The following CNST variants were observed in gnomAD, a reference collection of about 807,000 sequenced individuals.
CNST encodes consortin.
A neutral mutation model predicts 72.4 loss-of-function variants in CNST; 39 were observed. The ratio of observed to expected loss-of-function variants is 0.54; its 90% CI spans 0.42 to 0.70. The LOEUF (loss-of-function observed/expected upper bound fraction) is 0.70. Ranked by LOEUF, CNST falls within the 30% of genes least tolerant of loss-of-function variation. CNST has a pLI of 0.00. For synonymous variants in CNST, 332 were observed against 320.1 expected, an observed-to-expected ratio of 1.04 and a Z score of -0.40; for missense variants, 871 against 868.5, an observed-to-expected ratio of 1.00 and a Z score of -0.04.
intron 6 of CNST, among the ~76,000 whole-genome samples, chr1:246,635,225 T>G (rs1282992737): frequency 1.3e-5 from 2 of 151,520 alleles, no homozygotes; most frequent in East Asian, 3.9e-4. Flanking sequence ...AAGAAAAAAT[T>G]TTGGCGTATT....
chr1:246,611,773 G>T (rs1663330318), intron 2 of CNST, among the ~76,000 whole-genome samples: 1 of 152,166 alleles, frequency 6.6e-6, no homozygotes, highest in African/African-American at 2.4e-5. Context: ...GCAGATACTT[G>T]TACACTAAGG....
At chr1:246,575,090 G>A (rs1660315424) in intron 1 of CNST, among the ~76,000 whole-genome samples, 1 of 151,808 alleles carries the variant, frequency 6.6e-6, no homozygotes, top group Non-Finnish European at 1.5e-5. Context: ...CCACCTCCCG[G>A]GTTCAAGTGA....
At chr1:246,588,969 G>A (rs1661365649) in intron 1 of CNST, among the ~76,000 whole-genome samples, 1 of 151,976 alleles carries the variant, frequency 6.6e-6, no homozygotes, top group Non-Finnish European at 1.5e-5. Context: ...GAAAAATTGA[G>A]TCCCTCAATG....
intron 10 of CNST, among the ~76,000 whole-genome samples, chr1:246,661,605 A>C (rs1667109600): frequency 6.6e-6 from 1 of 152,232 alleles, no homozygotes. Context: ...ACTTGGTCTA[A>C]CATGAGGTGG....
rs181371079 is a variant in CNST at position 246,642,764 on chromosome 1, T to G, written c.937+727T>G. ...GTTCCTGGGCCTGAGAGCCCTAATA[T>G]TGAAGAGGAAGTATCAGGTGTTTTG... On this transcript the variant is annotated intron_variant, in intron 8 of 10. Transcript: ENST00000366513. 2.0e-4 allele frequency among the ~76,000 whole-genome samples: 29 copies of G among 142,006 alleles called. 1 individual carries two copies. The East Asian group carries it at 6.1e-3, about 30-fold the overall frequency. 93.2% of individuals were successfully genotyped at this position (142,006 alleles called of 152,430 possible).
chr1:246,633,893 G>A (rs745733889), intron 4 of CNST, 31 bp from the exon 5 acceptor site: 2 of 1,407,922 alleles, frequency 1.4e-6, no homozygotes, highest in Non-Finnish European at 2.0e-6. Flanking sequence ...AAATAGTGTG[G>A]ATTTCTATTT....
At chr1:246,644,893 C>T (rs932387116) in intron 8 of CNST, among the ~76,000 whole-genome samples, 11 of 152,304 alleles carry the variant, frequency 7.2e-5, no homozygotes, top group Non-Finnish European at 1.6e-4. Context: ...TAACCTTGCC[C>T]CATTTTAACA....
At chr1:246,657,892 T>C (rs1438885545) in intron 9 of CNST, among the ~76,000 whole-genome samples, 1 of 152,234 alleles carries the variant, frequency 6.6e-6, no homozygotes, top group African/African-American at 2.4e-5. Flanking sequence ...AATTTATAGA[T>C]GCAGAATTCA....
chr1:246,659,637 A>C (rs1215537899), intron 9 of CNST, among the ~76,000 whole-genome samples: 3 of 152,166 alleles, frequency 2.0e-5, no homozygotes, highest in African/African-American at 7.2e-5. Context: ...TCTGAGAGAA[A>C]TTCTGGAAGT....
intron 9 of CNST, among the ~76,000 whole-genome samples, chr1:246,654,553 G>C (rs1344864659): frequency 6.6e-6 from 1 of 152,138 alleles, no homozygotes; most frequent in East Asian, 1.9e-4. Flanking sequence ...CTCTGTTATC[G>C]TAAGACGCAC....
chr1:246,574,445 A>G (rs567526128), intron 1 of CNST, among the ~76,000 whole-genome samples: 102 of 152,324 alleles, frequency 6.7e-4, no homozygotes, highest in Admixed American at 1.8e-3. Context: ...TTTTTTTTAG[A>G]GACAGCTTGT....
chr1:246,610,808 G>A (rs1285626937), intron 2 of CNST, among the ~76,000 whole-genome samples: 2 of 151,952 alleles, frequency 1.3e-5, no homozygotes, highest in African/African-American at 2.4e-5. Flanking sequence ...CTGAGCTGTC[G>A]CGTGTAGCTT....
At chr1:246,581,821 TC>T (rs1191256965) in intron 1 of CNST, among the ~76,000 whole-genome samples, 1 of 152,250 alleles carries the variant, frequency 6.6e-6, no homozygotes, top group Non-Finnish European at 1.5e-5. Context: ...TATTTTTTAT[TC>T]ATATGTCTGA....
intron 3 of CNST, among the ~76,000 whole-genome samples, chr1:246,627,400 C>T (rs12119414): frequency 0.057 from 8,619 of 152,296 alleles, 347 homozygotes; most frequent in Middle Eastern, 0.092. Flanking sequence ...CAAGGATGTT[C>T]CCACTTCAGG....
chr1:246,636,920 C>G (rs187874672), intron 6 of CNST, among the ~76,000 whole-genome samples: 35 of 152,182 alleles, frequency 2.3e-4, no homozygotes, highest in African/African-American at 8.4e-4. Context: ...CACAGCAGCT[C>G]TGAAGGGCTG....
intron 3 of CNST, among the ~76,000 whole-genome samples, chr1:246,625,715 C>T (rs951650775): frequency 1.3e-5 from 2 of 152,088 alleles, no homozygotes; most frequent in African/African-American, 2.4e-5. Flanking sequence ...CCACTGCGCC[C>T]GGCCTAATTA....
chr1:246,575,982 C>G (rs1384971690), intron 1 of CNST, among the ~76,000 whole-genome samples: 6 of 151,216 alleles, frequency 4.0e-5, no homozygotes, highest in Non-Finnish European at 2.9e-5. Context: ...CGCCTGTAAT[C>G]CCAGCACTTT....
At chr1:246,620,115 ATC>A (rs1182636894) in intron 2 of CNST, among the ~76,000 whole-genome samples, 1 of 20,954 alleles carries the variant, frequency 4.8e-5, no homozygotes. Context: ...GGACGGCTTC[ATC>A]GTGGTGCATA....
chr1:246,660,001 T>G (rs1274737679), intron 9 of CNST, among the ~76,000 whole-genome samples, 198 bp from the exon 10 acceptor site: 1 of 152,180 alleles, frequency 6.6e-6, no homozygotes, highest in Non-Finnish European at 1.5e-5. Flanking sequence ...AACCAGGGTT[T>G]TGGACTTTTG....
Sources: gnomAD v4.1 joint callset for allele counts (sites outside exome capture counted in the v4.1 genomes callset) on GRCh38, gnomAD v4.1.1 for gene constraint, MANE v1.5 for transcripts, NCBI Gene and HGNC (gene_info 2026-07-23, HGNC 2026-07-21) for gene names.